ZNF189: variants seen among roughly 807,000 people sequenced by gnomAD.
ZNF189 encodes zinc finger protein 189.
A neutral mutation model predicts 53.5 loss-of-function variants in ZNF189; 33 were observed. The ratio of observed to expected loss-of-function variants is 0.62; its 90% CI spans 0.47 to 0.82. ZNF189 has a LOEUF of 0.82. Ranked by LOEUF, ZNF189 falls within the 40% of genes least tolerant of loss-of-function variation. The probability of loss-of-function intolerance (pLI) is 0.00; values close to 1 mark genes in which losing one functional copy is unlikely to be tolerated. For missense variants in ZNF189, 711 were observed against 753.9 expected, an observed-to-expected ratio of 0.94 and a Z score of 0.67; for synonymous variants, 247 against 238.8, an observed-to-expected ratio of 1.03 and a Z score of -0.32.
rs764587861 is a variant in ZNF189 at position 101,408,815 on chromosome 9, T to C, written c.1047T>C (p.Cys349=). 1 of 1,614,188 alleles carries C rather than the reference T, an allele frequency of 6.2e-7. No homozygotes were observed. Among genetic ancestry groups the C allele is most frequent in the Non-Finnish European group, 8.5e-7 (1 of 1,180,026 alleles). The change falls in exon 3 of 3, where the codon TGT becomes TGC. Residue 349 remains cysteine, a synonymous_variant. Transcript: ENST00000339664. The part of the protein sequence containing the change: ...TGEKPFLCIE[C]GKSFSRSSFL... Reference sequence around the variant, plus strand: ...AGAAGCCTTTTCTTTGTATTGAGTGTGGAAAAAGTTTCAGTCGGAGCTCAT... The same window carrying C: ...AGAAGCCTTTTCTTTGTATTGAGTGCGGAAAAAGTTTCAGTCGGAGCTCAT...
At position 101,408,186 on chromosome 9, in the gene ZNF189, A is replaced by C; in HGVS notation, c.418A>C (p.Arg140=). 6.2e-7 allele frequency: 1 copy of C among 1,614,190 alleles called. No individual in the cohort carries two copies. The highest frequency in any genetic ancestry group is 8.5e-7 in the Non-Finnish European group (1 of 1,180,032). ...AGAAAACACTAACATTATCCGTAAAAGACCAAACTCAGAAGAGAAATGCCA... is the reference window on the plus strand; with the variant it reads ...AGAAAACACTAACATTATCCGTAAACGACCAAACTCAGAAGAGAAATGCCA... ...FRENTNIIRK[R]PNSEEKCHKC... The change falls in exon 3 of 3, where the codon AGA becomes CGA. Residue 140 remains arginine, a synonymous_variant. Transcript: ENST00000339664.
chr9:101,401,011 C>T (rs1390238533), intron 2 of ZNF189, among the ~76,000 whole-genome samples: 1 of 152,176 alleles, frequency 6.6e-6, no homozygotes, highest in Admixed American at 6.5e-5. Context: ...GCTTGTATCC[C>T]CATCTAATCA....
intron 2 of ZNF189, among the ~76,000 whole-genome samples, chr9:101,405,788 A>G (rs1830687481): frequency 1.3e-5 from 2 of 152,158 alleles, no homozygotes; most frequent in Admixed American, 6.5e-5. Flanking sequence ...AAACATGCCC[A>G]TTTTAGGCCA....
Position 101,409,103 on chromosome 9 carries a change from A to G in ZNF189, c.1335A>G (p.Ile445Met), listed in dbSNP as rs1278127699. Residue 445 changes from isoleucine to methionine, a missense_variant, in exon 3 of 3, where the codon ATA becomes ATG. Transcript: ENST00000339664. ...TTGATCCAAATTGCAGTCTTGTTAT[A>G]CAGCAGGAAGTCTACCCTAAGGAGA... is the stretch of plus-strand genomic sequence containing the variant. The part of the protein sequence containing the change: ...ESFDPNCSLV[I>M]QQEVYPKEKS... The G allele has an allele frequency of 6.2e-7, 1 of 1,613,906 alleles. No individual in the cohort carries two copies. The highest frequency in any genetic ancestry group is 1.1e-5 in the South Asian group (1 of 91,044).
At chr9:101,399,422 A>G in intron 1 of ZNF189, 1 of 1,364,764 alleles carries the variant, frequency 7.3e-7, no homozygotes, top group Non-Finnish European at 9.4e-7. Flanking sequence ...GCCTGAGAAA[A>G]TAAGTAATGC....
At position 101,409,062 on chromosome 9, in the gene ZNF189, G is replaced by A; in HGVS notation, c.1294G>A (p.Glu432Lys). 6.2e-7 allele frequency: 1 copy of A among 1,613,958 alleles called. No homozygotes were observed. The highest frequency in any genetic ancestry group is 8.5e-7 in the Non-Finnish European group (1 of 1,179,984). Residue 432 changes from glutamate (E) to lysine (K), a missense_variant, in exon 3 of 3, where the codon GAA (glutamate) becomes AAA (lysine). By Grantham distance (56) the Glu-to-Lys change is moderately conservative (BLOSUM62 1). Transcript: ENST00000339664. ...CAGGGAGAAGACTTATCCATACAAT[G>A]AAACTAAGGAAAGTTTTGATCCAAA... The part of the protein sequence containing the change: ...HTREKTYPYN[E>K]TKESFDPNCS...
chr9:101,410,412 T>TCC lies in ZNF189; in HGVS notation c.*765_*766dup, dbSNP rs1233332819. ...TTGTAGTCCTATGTGAATGAGCTTA[T>TCC]CCCTCCACAACCAGGTGCATATGAA... On this transcript the variant is annotated 3_prime_UTR_variant, in exon 3 of 3. Coordinates refer to ENST00000339664, the MANE Select transcript of ZNF189 (RefSeq NM_003452.4). The TCC allele has an allele frequency of 6.6e-6, 1 of 152,538 alleles. No homozygotes were observed. The highest frequency in any genetic ancestry group is 1.5e-5 in the Non-Finnish European group (1 of 68,040). 9.4% of individuals were successfully genotyped at this position (152,538 alleles called of 1,614,324 possible).
intron 1 of ZNF189, 108 bp from the exon 2 acceptor site, chr9:101,399,776 G>A (rs1384798485): frequency 1.2e-5 from 19 of 1,534,104 alleles, no homozygotes; most frequent in East Asian, 4.5e-5. Context: ...CAGTTATCAT[G>A]TTCCTCCTAG....
rs143851381 is a variant in ZNF189, at chr9:101,408,196, C to T, written c.428C>T (p.Ser143Leu). ...NTNIIRKRPNSEEKCHKCEEC... is the reference protein window; with the variant it reads ...NTNIIRKRPNLEEKCHKCEEC... ...AACATTATCCGTAAAAGACCAAACTCAGAAGAGAAATGCCATAAATGTGAA... is the reference window on the plus strand; with the variant it reads ...AACATTATCCGTAAAAGACCAAACTTAGAAGAGAAATGCCATAAATGTGAA... Residue 143 changes from serine (S) to leucine (L), a missense_variant, in exon 3 of 3, where the codon TCA becomes TTA. Ser to Leu is a moderately radical substitution (Grantham distance 145). Coordinates refer to ENST00000339664, the MANE Select transcript of ZNF189 (RefSeq NM_003452.4). 26 of 1,614,018 alleles carry T rather than the reference C, an allele frequency of 1.6e-5. No homozygotes were observed. The African/African-American group carries it at 2.8e-4, about 17-fold the overall frequency.
rs1239376962 is a variant in ZNF189, at chr9:101,409,519, T to C, written c.1751T>C (p.Val584Ala). 1.2e-6 allele frequency: 2 copies of C among 1,613,956 alleles called. No individual in the cohort carries two copies. The highest frequency in any genetic ancestry group is 2.7e-5 in the African/African-American group (2 of 74,920). Reference protein sequence around the residue: ...DKSFSQQRSLVNHQKIHAEVK... With the variant: ...DKSFSQQRSLANHQKIHAEVK... ...AGTTTCAGTCAACAGCGCAGTCTTG[T>C]CAACCATCAGAAGATCCATGCAGAG... The change falls in exon 3 of 3, where the codon GTC becomes GCC. Residue 584 changes from valine (V) to alanine (A), a missense_variant. Transcript: ENST00000339664.
intron 2 of ZNF189, among the ~76,000 whole-genome samples, chr9:101,400,454 A>G (rs148949797): frequency 5.9e-5 from 9 of 152,196 alleles, no homozygotes; most frequent in Non-Finnish European, 8.8e-5. Context: ...CTTTGTCTCA[A>G]TGTTGGAAGG....
chr9:101,401,609 A>G (rs1266829124), intron 2 of ZNF189, among the ~76,000 whole-genome samples: 1 of 152,168 alleles, frequency 6.6e-6, no homozygotes, highest in Non-Finnish European at 1.5e-5. Context: ...TGTTCTCTTC[A>G]TAGTCAAGAT....
intron 2 of ZNF189, chr9:101,407,512 C>T (rs1001973419): frequency 5.0e-6 from 2 of 400,306 alleles, no homozygotes; most frequent in Non-Finnish European, 8.8e-6. Context: ...ACCTCAGCTA[C>T]CTGAGTAGCT....
At chr9:101,407,811 T>C in intron 2 of ZNF189, 118 bp from the exon 3 acceptor site, 1 of 1,077,076 alleles carries the variant, frequency 9.3e-7, no homozygotes, top group Non-Finnish European at 1.3e-6. Context: ...CTGTTTTCCT[T>C]GATAGACTGA....
intron 1 of ZNF189, 33 bp from the exon 2 acceptor site, chr9:101,399,846 GACAAC>G: frequency 6.2e-7 from 1 of 1,612,972 alleles, no homozygotes; most frequent in Non-Finnish European, 8.5e-7. Flanking sequence ...TTGTCCTTGA[GACAAC>G]AGGAACTGAC....
chr9:101,399,202 C>T lies in ZNF189; in HGVS notation c.33+13C>T, dbSNP rs200483915. On this transcript the variant is annotated intron_variant, in intron 1 of 2. Coordinates refer to ENST00000339664, the MANE Select transcript of ZNF189 (RefSeq NM_003452.4). ...GCCGGAGTCGAAGGTAAGTAAGCAC[C>T]CCCCCGGGGATCCCGGTTGTCTCGC... 5.7e-6 allele frequency: 9 copies of T among 1,581,562 alleles called. No individual in the cohort carries two copies. The highest frequency in any genetic ancestry group is 7.8e-6 in the Non-Finnish European group (9 of 1,154,768).
chr9:101,407,988 G>A lies in ZNF189; in HGVS notation c.220G>A (p.Glu74Lys). ...TGTAAAACAAGAGATTGAAGAAATT[G>A]AGGAAGAAGTGGAACCACAGGGTGT... is the stretch of plus-strand genomic sequence containing the variant. ...PTVKQEIEEI[E>K]EEVEPQGVIV... Residue 74 changes from glutamate to lysine, a missense_variant, in exon 3 of 3, where the codon GAG (glutamate) becomes AAG (lysine). Glu to Lys is a moderately conservative substitution (Grantham distance 56). Coordinates refer to ENST00000339664, the MANE Select transcript of ZNF189 (RefSeq NM_003452.4). The A allele has an allele frequency of 6.2e-7, 1 of 1,606,078 alleles. No individual in the cohort carries two copies. Among genetic ancestry groups the A allele is most frequent in the Non-Finnish European group, 8.5e-7 (1 of 1,177,394 alleles).
In ZNF189 at chr9:101,408,170, T is replaced by C. The variant is rs1277970995; in HGVS notation, c.402T>C (p.Thr134=). The C allele has an allele frequency of 6.2e-7, 1 of 1,614,120 alleles. No individual in the cohort carries two copies. The highest frequency in any genetic ancestry group is 1.1e-5 in the South Asian group (1 of 91,088). Residue 134 remains threonine (T), a synonymous_variant, in exon 3 of 3, where the codon ACT becomes ACC. Coordinates refer to ENST00000339664, the MANE Select transcript of ZNF189 (RefSeq NM_003452.4). The part of the protein sequence containing the change: ...TQEQRMFREN[T]NIIRKRPNSE... ...AACAGAGAATGTTCAGAGAAAACACTAACATTATCCGTAAAAGACCAAACT... is the reference window on the plus strand; with the variant it reads ...AACAGAGAATGTTCAGAGAAAACACCAACATTATCCGTAAAAGACCAAACT...
rs191007158 is a variant in ZNF189 at position 101,410,329 on chromosome 9, A to G, written c.*680A>G. On this transcript the variant is annotated 3_prime_UTR_variant, in exon 3 of 3. Transcript: ENST00000339664. The stretch of plus-strand genomic sequence containing the variant: ...GTGCCTTTTTTGTTTTTCAAGATGG[A>G]CCCAAAAAAGTGGAGGAAGATATTG... 2.6e-5 allele frequency: 4 copies of G among 152,742 alleles called. No homozygotes were observed. The highest frequency in any genetic ancestry group is 5.9e-5 in the Non-Finnish European group (4 of 68,034). 9.5% of individuals were successfully genotyped at this position (152,742 alleles called of 1,614,324 possible).
Sources: allele counts gnomAD v4.1 joint callset (sites outside exome capture counted in the v4.1 genomes callset), GRCh38; gene constraint gnomAD v4.1.1; transcripts MANE v1.5; gene names NCBI Gene and HGNC (gene_info 2026-07-23, HGNC 2026-07-21).